The following RYR3 variants were observed in gnomAD, a reference collection of about 807,000 sequenced individuals.
The protein encoded by RYR3 is brain ryanodine receptor-calcium release channel.
A neutral mutation model predicts 584.3 loss-of-function variants in RYR3; 207 were observed. That is an observed-to-expected ratio of 0.35 (90% CI 0.32 to 0.40). The LOEUF (loss-of-function observed/expected upper bound fraction) is 0.40, where lower values mean the gene tolerates loss of function less well. RYR3 is among the 10% of genes least tolerant of loss of function. The pLI, the probability that RYR3 is intolerant of heterozygous loss-of-function variation, is 1.00. For synonymous variants in RYR3, 2,416 were observed against 2,248.5 expected (o/e 1.07, Z -2.11); for missense variants, 5,616 against 6,089.2 (o/e 0.92, Z 2.59).
chr15:33,344,172 G>C (rs1452897795), intron 1 of RYR3, among the ~76,000 whole-genome samples: 1 of 152,152 alleles, frequency 6.6e-6, no homozygotes, highest in Non-Finnish European at 1.5e-5. Flanking sequence ...TCATTGCTCT[G>C]GTTGAAGGTG....
chr15:33,748,550 C>T lies in RYR3; in HGVS notation c.8199+20C>T. The T allele has an allele frequency of 6.2e-7, 1 of 1,604,866 alleles. No homozygotes were observed. The highest frequency in any genetic ancestry group is 8.5e-7 in the Non-Finnish European group (1 of 1,173,544). On this transcript the variant is annotated intron_variant, in intron 55 of 103. Transcript: ENST00000634891. Reference sequence around the variant, plus strand: ...CTCCAGGTCAGTGCCCCAGGTCCAGCATGACTTGCTTTCAAGTGCAGGACG... The same window carrying T: ...CTCCAGGTCAGTGCCCCAGGTCCAGTATGACTTGCTTTCAAGTGCAGGACG...
At chr15:33,812,775 C>A in intron 72 of RYR3, 88 bp from the exon 73 acceptor site, 1 of 1,331,132 alleles carries the variant, frequency 7.5e-7, no homozygotes, top group South Asian at 1.4e-5. Context: ...AGTCTTGACT[C>A]CTACAGAACC....
chr15:33,686,480 C>T (rs554452697), intron 38 of RYR3, among the ~76,000 whole-genome samples: 5 of 152,274 alleles, frequency 3.3e-5, no homozygotes, highest in South Asian at 4.1e-4. Flanking sequence ...AATTCACAGC[C>T]GAATTCTACC....
intron 1 of RYR3, among the ~76,000 whole-genome samples, chr15:33,466,067 A>G (rs1433480389): frequency 6.6e-6 from 1 of 152,222 alleles, no homozygotes; most frequent in Non-Finnish European, 1.5e-5. Context: ...TGAGATGTTG[A>G]GTAGCATTTG....
intron 12 of RYR3, among the ~76,000 whole-genome samples, chr15:33,572,247 T>C (rs1314696631): frequency 1.3e-5 from 2 of 152,220 alleles, no homozygotes; most frequent in Non-Finnish European, 2.9e-5. Flanking sequence ...TTTACCTGCA[T>C]AGTTACCTTT....
chr15:33,335,722 TA>T (rs548840408), intron 1 of RYR3, among the ~76,000 whole-genome samples: 7,304 of 140,090 alleles, frequency 0.052, 183 homozygotes, highest in African/African-American at 0.057. Flanking sequence ...AAAGAATAAT[TA>T]AAAAAAAAAA....
At chr15:33,765,798 T>A (rs2073004915) in intron 60 of RYR3, among the ~76,000 whole-genome samples, 1 of 152,186 alleles carries the variant, frequency 6.6e-6, no homozygotes, top group Admixed American at 6.5e-5. Context: ...ACACTTAGCA[T>A]TGAGCACAGT....
At chr15:33,592,004 T>A (rs2059153511) in intron 16 of RYR3, among the ~76,000 whole-genome samples, 1 of 152,164 alleles carries the variant, frequency 6.6e-6, no homozygotes, top group African/African-American at 2.4e-5. Context: ...AAGCTTGTGT[T>A]TGGGATAGAC....
chr15:33,625,871 CT>C (rs952729528), intron 20 of RYR3, among the ~76,000 whole-genome samples: 2 of 152,102 alleles, frequency 1.3e-5, no homozygotes, highest in African/African-American at 4.8e-5. Context: ...TTGGGGGGCT[CT>C]TTTTTTAGGC....
Position 33,552,629 on chromosome 15 carries a change from T to A in RYR3, c.972+2313T>A, listed in dbSNP as rs570945480. On this transcript the variant is annotated intron_variant, in intron 10 of 103. Coordinates refer to ENST00000634891, the MANE Select transcript of RYR3 (RefSeq NM_001036.6). ...GAAAGGAACTGAAATTAAAATGGCTTAGGCTCTATGGCAGGCCAAGATATG... is the reference window on the plus strand; with the variant it reads ...GAAAGGAACTGAAATTAAAATGGCTAAGGCTCTATGGCAGGCCAAGATATG... 2.4e-4 allele frequency among the ~76,000 whole-genome samples: 37 copies of A among 152,318 alleles called. No individual in the cohort carries two copies. The East Asian group carries it at 5.8e-3, about 24-fold the overall frequency.
chr15:33,827,310 A>G (rs1016298461), intron 85 of RYR3, 23 bp downstream of exon 85: 1 of 1,540,698 alleles, frequency 6.5e-7, no homozygotes, highest in East Asian at 2.4e-5. Context: ...GCCTTGGACA[A>G]TGGGACCTCT....
rs372297886 is a variant in RYR3 at position 33,775,453 on chromosome 15, G to A, written c.9137+1838G>A. 7.2e-5 allele frequency among the ~76,000 whole-genome samples: 11 copies of A among 152,240 alleles called. No individual in the cohort carries two copies. The East Asian group carries it at 1.2e-3, about 16-fold the overall frequency. On this transcript the variant is annotated intron_variant, in intron 64 of 103. Coordinates refer to ENST00000634891, the MANE Select transcript of RYR3 (RefSeq NM_001036.6). ...CTAACTCTTTCTCCCTAAATCAGCC[G>A]TGTGTTTAGCCCTAGCAATGTACCA...
intron 67 of RYR3, among the ~76,000 whole-genome samples, chr15:33,793,188 G>A (rs2075264932): frequency 6.6e-6 from 1 of 152,326 alleles, no homozygotes; most frequent in African/African-American, 2.4e-5. Flanking sequence ...AAGACGCATA[G>A]GGAAATGTAT....
intron 2 of RYR3, among the ~76,000 whole-genome samples, chr15:33,478,819 A>C (rs1350725820): frequency 1.3e-5 from 2 of 152,214 alleles, no homozygotes; most frequent in Non-Finnish European, 2.9e-5. Context: ...GAATATGAGA[A>C]CTATTTTTTG....
intron 92 of RYR3, among the ~76,000 whole-genome samples, 195 bp from the exon 93 acceptor site, chr15:33,844,662 TTTTAA>T (rs2152987841): frequency 6.6e-6 from 1 of 152,370 alleles, no homozygotes; most frequent in African/African-American, 2.4e-5. Flanking sequence ...TTTGTCTCCT[TTTTAA>T]AAGTTTGTTT....
chr15:33,627,548 T>C (rs2061056426), intron 20 of RYR3, among the ~76,000 whole-genome samples: 2 of 152,194 alleles, frequency 1.3e-5, no homozygotes. Flanking sequence ...TAAGGTTGCA[T>C]ATGCAAGGGC....
intron 81 of RYR3, among the ~76,000 whole-genome samples, chr15:33,824,571 T>C (rs1281403368): frequency 6.6e-6 from 1 of 152,166 alleles, no homozygotes; most frequent in Non-Finnish European, 1.5e-5. Context: ...GCCAGCAGAA[T>C]CTGGGAAAAA....
At chr15:33,416,489 G>T (rs558040910) in intron 1 of RYR3, among the ~76,000 whole-genome samples, 4 of 152,066 alleles carry the variant, frequency 2.6e-5, no homozygotes, top group Admixed American at 2.6e-4. Flanking sequence ...TTGGCTATTT[G>T]TATGTCTTTT....
intron 1 of RYR3, among the ~76,000 whole-genome samples, chr15:33,435,997 AT>A (rs2045692394): frequency 7.4e-6 from 1 of 135,918 alleles, no homozygotes; most frequent in African/African-American, 2.5e-5. Context: ...TGATTGGTCC[AT>A]TTTACAGAGT....
Sources: allele counts gnomAD v4.1 joint callset (sites outside exome capture counted in the v4.1 genomes callset), GRCh38; gene constraint gnomAD v4.1.1; transcripts MANE v1.5; gene names NCBI Gene and HGNC (gene_info 2026-07-23, HGNC 2026-07-21).